The following CHD9 variants were observed in gnomAD, a reference collection of about 807,000 sequenced individuals.
CHD9 encodes ATP-dependent chromatin remodeler CHD9.
In CHD9, 77 loss-of-function variants were observed where a neutral mutation model predicts 316.1. The ratio of observed to expected loss-of-function variants is 0.24; its 90% CI spans 0.20 to 0.29. The LOEUF is 0.29. Ranked by LOEUF, CHD9 falls within the 10% of genes least tolerant of loss-of-function variation. The pLI, the probability that CHD9 is intolerant of heterozygous loss-of-function variation, is 1.00. For synonymous variants in CHD9, 1,129 were observed against 1,158.3 expected (o/e 0.97, Z 0.51); for missense variants, 2,763 against 3,438.1 (o/e 0.80, Z 4.91).
chr16:53,112,659 A>G (rs1430092585), intron 1 of CHD9, among the ~76,000 whole-genome samples: 4 of 152,344 alleles, frequency 2.6e-5, no homozygotes, highest in East Asian at 3.9e-4. Context: ...ACAAAAGACC[A>G]GTACTTTTTA....
intron 1 of CHD9, among the ~76,000 whole-genome samples, chr16:53,139,117 GAT>G: frequency 6.6e-6 from 1 of 151,734 alleles, no homozygotes; most frequent in Non-Finnish European, 1.5e-5. Context: ...AGAAAGAAGA[GAT>G]AGATACAAAG....
At chr16:53,063,774 G>A (rs544753533) in intron 1 of CHD9, among the ~76,000 whole-genome samples, 38 of 149,482 alleles carry the variant, frequency 2.5e-4, no homozygotes, top group Non-Finnish European at 3.0e-4. Flanking sequence ...CTCGTGACCC[G>A]CCCATCTCGG....
intron 11 of CHD9, among the ~76,000 whole-genome samples, chr16:53,237,984 G>A (rs1415185262): frequency 6.6e-6 from 1 of 152,106 alleles, no homozygotes; most frequent in Non-Finnish European, 1.5e-5. Flanking sequence ...CTGAAAGGCA[G>A]AGAACATGTT....
intron 1 of CHD9, among the ~76,000 whole-genome samples, chr16:53,058,414 T>A (rs1032143642): frequency 1.3e-5 from 2 of 152,200 alleles, no homozygotes; most frequent in African/African-American, 4.8e-5. Context: ...CCACAGCACC[T>A]GGCCTATAAG....
At position 53,235,433 on chromosome 16, in the gene CHD9, A is replaced by G. The variant is rs188485191; in HGVS notation, c.2633+127A>G. Reference sequence around the variant, plus strand: ...AGTCTTCATTATTTAAAGTGAGGTTACCTCAGGAACATATGTAAATTGCAA... The same window carrying G: ...AGTCTTCATTATTTAAAGTGAGGTTGCCTCAGGAACATATGTAAATTGCAA... On this transcript the variant is annotated intron_variant, in intron 11 of 38. Coordinates refer to ENST00000447540, the MANE Select transcript of CHD9 (RefSeq NM_001308319.2). 1.4e-5 allele frequency: 9 copies of G among 651,456 alleles called. No homozygotes were observed. In the East Asian group the frequency reaches 2.4e-4, roughly 18 times the overall value. The allele number at this position is 651,456 out of a possible 1,614,324, so 40.4% of individuals were successfully genotyped here. A position where few individuals can be genotyped will look rare whatever the true frequency, so the allele number is the denominator to read the frequency against.
intron 1 of CHD9, among the ~76,000 whole-genome samples, chr16:53,155,179 A>G (rs1054114350): frequency 2.6e-5 from 4 of 152,176 alleles, no homozygotes; most frequent in African/African-American, 7.2e-5. Flanking sequence ...TACCTTGCAA[A>G]TACTTGCCAA....
intron 1 of CHD9, among the ~76,000 whole-genome samples, chr16:53,100,667 C>T (rs2036790853): frequency 6.6e-6 from 1 of 152,098 alleles, no homozygotes; most frequent in Non-Finnish European, 1.5e-5. Context: ...ACCATGTTGT[C>T]CAGGCTGGTC....
intron 1 of CHD9, among the ~76,000 whole-genome samples, chr16:53,087,915 T>C (rs181833949): frequency 6.7e-6 from 1 of 148,392 alleles, no homozygotes; most frequent in Non-Finnish European, 1.5e-5. Flanking sequence ...GCCATTGCAC[T>C]CCAGCCTGGG....
intron 24 of CHD9, among the ~76,000 whole-genome samples, chr16:53,276,748 A>G (rs566306807): frequency 6.6e-6 from 1 of 152,160 alleles, no homozygotes; most frequent in African/African-American, 2.4e-5. Context: ...GTATGCCTTA[A>G]TATCAGTCAC....
Position 53,303,746 on chromosome 16 carries a change from C to G in CHD9, c.5740C>G (p.Gln1914Glu), listed in dbSNP as rs1005294181. The change falls in exon 31 of 39, where the codon CAG (glutamine) becomes GAG (glutamate). Residue 1914 changes from glutamine (Q) to glutamate (E), a missense_variant. Transcript: ENST00000447540. ...ATTGGTGGATCCAAATATTTTTATCCAGCCCATCACAGAAGAACGTGCTTC... is the reference window on the plus strand; with the variant it reads ...ATTGGTGGATCCAAATATTTTTATCGAGCCCATCACAGAAGAACGTGCTTC... ...EELVDPNIFI[Q>E]PITEERASRT... The G allele has an allele frequency of 7.5e-6, 12 of 1,598,946 alleles. No homozygotes were observed. Among genetic ancestry groups the G allele is most frequent in the Middle Eastern group, 3.3e-4 (2 of 6,002 alleles).
At position 53,156,707 on chromosome 16, in the gene CHD9, T is replaced by C. The variant is rs754207747; in HGVS notation, c.618T>C (p.His206=). The C allele has an allele frequency of 1.2e-6, 2 of 1,613,972 alleles. No homozygotes were observed. The highest frequency in any genetic ancestry group is 1.7e-5 in the Admixed American group (1 of 60,022). ...ATTTTATGAATGTTTCTGGTCCACATAGAGTCAATGTTAACCACCCACCAC... is the reference window on the plus strand; with the variant it reads ...ATTTTATGAATGTTTCTGGTCCACACAGAGTCAATGTTAACCACCCACCAC... The part of the protein sequence containing the change: ...SKNFMNVSGP[H]RVNVNHPPQM... The change falls in exon 2 of 39, where the codon CAT becomes CAC. Residue 206 remains histidine (H), a synonymous_variant. Coordinates refer to ENST00000447540, the MANE Select transcript of CHD9 (RefSeq NM_001308319.2).
At chr16:53,214,904 A>G (rs907789959) in intron 3 of CHD9, among the ~76,000 whole-genome samples, 51 of 143,120 alleles carry the variant, frequency 3.6e-4, no homozygotes, top group African/African-American at 1.3e-3. Flanking sequence ...TTCGTAAAAA[A>G]CAATATATAT....
At chr16:53,232,542 GTT>G (rs968545569) in intron 10 of CHD9, among the ~76,000 whole-genome samples, 1 of 151,948 alleles carries the variant, frequency 6.6e-6, no homozygotes, top group African/African-American at 2.4e-5. Flanking sequence ...GTGTTTTTTT[GTT>G]TTGTTTTGTT....
intron 2 of CHD9, among the ~76,000 whole-genome samples, chr16:53,204,046 A>ATATATAT (rs1442183873): frequency 1.1e-5 from 1 of 89,878 alleles, no homozygotes; most frequent in African/African-American, 4.2e-5. Flanking sequence ...AAAAAAAAAA[A>ATATATAT]AAATATATAT....
At chr16:53,189,217 G>A (rs2044287143) in intron 2 of CHD9, among the ~76,000 whole-genome samples, 1 of 152,098 alleles carries the variant, frequency 6.6e-6, no homozygotes, top group African/African-American at 2.4e-5. Flanking sequence ...AGTGACAAGA[G>A]TAGATAACCT....
chr16:53,313,087 A>T (rs1360814345), intron 34 of CHD9, among the ~76,000 whole-genome samples: 3 of 152,164 alleles, frequency 2.0e-5, no homozygotes, highest in Admixed American at 6.5e-5. Context: ...GAATGCATGG[A>T]ACTGTTTCAT....
At chr16:53,290,805 A>C (rs1490245636) in intron 27 of CHD9, among the ~76,000 whole-genome samples, 1 of 152,186 alleles carries the variant, frequency 6.6e-6, no homozygotes, top group African/African-American at 2.4e-5. Context: ...TATGAAAGGC[A>C]ATAAATTTGG....
At chr16:53,225,439 T>G (rs1298185421) in intron 4 of CHD9, among the ~76,000 whole-genome samples, 1 of 152,312 alleles carries the variant, frequency 6.6e-6, no homozygotes, top group African/African-American at 2.4e-5. Flanking sequence ...ATTTTGAAAT[T>G]TTTATCTTTA....
intron 1 of CHD9, among the ~76,000 whole-genome samples, chr16:53,123,704 G>A (rs2038846512): frequency 6.6e-6 from 1 of 152,004 alleles, no homozygotes; most frequent in South Asian, 2.1e-4. Context: ...GTTTCACTAT[G>A]TTGTCCATGC....
Sources: allele counts gnomAD v4.1 joint callset (sites outside exome capture counted in the v4.1 genomes callset), GRCh38; gene constraint gnomAD v4.1.1; transcripts MANE v1.5; gene names NCBI Gene and HGNC (gene_info 2026-07-23, HGNC 2026-07-21).